Variants in PTPRN2 observed in about 807,000 individuals in gnomAD.
The protein encoded by PTPRN2 is receptor-type tyrosine-protein phosphatase N2.
PTPRN2 carries 74 observed loss-of-function variants against 118.8 expected under a neutral mutation model. The ratio of observed to expected loss-of-function variants is 0.62; its 90% CI spans 0.52 to 0.76. PTPRN2 has a LOEUF of 0.76. Ranked by LOEUF, PTPRN2 falls within the 30% of genes least tolerant of loss-of-function variation. PTPRN2 has a pLI of 0.00. For missense variants in PTPRN2, 1,481 were observed against 1,394.4 expected (o/e 1.06, Z -0.99); for synonymous variants, 641 against 608.0 (o/e 1.05, Z -0.80).
intron 3 of PTPRN2, among the ~76,000 whole-genome samples, chr7:158,236,239 G>A (rs560023749): frequency 6.6e-6 from 1 of 152,316 alleles, no homozygotes; most frequent in South Asian, 2.1e-4. Flanking sequence ...TGAAGATGCT[G>A]CTGACATTGC....
At chr7:158,237,773 C>T (rs894564384) in intron 3 of PTPRN2, among the ~76,000 whole-genome samples, 1 of 152,086 alleles carries the variant, frequency 6.6e-6, no homozygotes, top group Non-Finnish European at 1.5e-5. Flanking sequence ...GCCACTTCGC[C>T]GCCACCCATG....
Position 157,627,940 on chromosome 7 carries a change from T to C in PTPRN2, c.2197-6431A>G, listed in dbSNP as rs1049079937. ...CCATCAGCGCTCACATAATCTACTT[T>C]GTTAGAGATATGAACTCAATCTAAG... On this transcript the variant is annotated intron_variant, in intron 14 of 22. Transcript: ENST00000389418. This position sits in a 1 kb window ranked among gnomAD's most constrained non-coding sequence, Gnocchi z 4.2. Among the ~76,000 whole-genome samples, 15 of 152,242 alleles carry C rather than the reference T, an allele frequency of 9.9e-5. No individual in the cohort carries two copies. Among genetic ancestry groups the C allele is most frequent in the Admixed American group, 6.5e-5 (1 of 15,292 alleles).
At position 157,984,374 on chromosome 7, in the gene PTPRN2, ACCCCCCACGCCAGGCTCCAC is replaced by A. The variant is rs1803580687; in HGVS notation, c.1724-85657_1724-85638del. Among the ~76,000 whole-genome samples, 3 of 12,468 alleles carry A rather than the reference ACCCCCCACGCCAGGCTCCAC, an allele frequency of 2.4e-4. 1 individual carries two copies. Among genetic ancestry groups the A allele is most frequent in the Non-Finnish European group, 3.9e-4 (3 of 7,702 alleles). 8.2% of individuals were successfully genotyped at this position (12,468 alleles called of 152,430 possible). A position where few individuals can be genotyped will look rare whatever the true frequency, so the allele number is the denominator to read the frequency against. On this transcript the variant is annotated intron_variant, in intron 11 of 22. Transcript: ENST00000389418. Reference sequence around the variant, plus strand: ...TCCACCCAATCCCACGCCAGGCTCCACCCCCCACGCCAGGCTCCACCCCCCCACGCCAGGCTCCACCCCAT... The same window carrying A: ...TCCACCCAATCCCACGCCAGGCTCCACCCCCCACGCCAGGCTCCACCCCAT...
At chr7:158,014,706 C>T (rs73169757) in intron 11 of PTPRN2, among the ~76,000 whole-genome samples, 21,478 of 151,870 alleles carry the variant, frequency 0.14, 1,562 homozygotes, top group Admixed American at 0.17. Context: ...TCCCTCCATT[C>T]ATCCATCCAT....
intron 13 of PTPRN2, among the ~76,000 whole-genome samples, chr7:157,662,659 C>T (rs1795949039): frequency 6.6e-6 from 1 of 152,188 alleles, no homozygotes; most frequent in African/African-American, 2.4e-5. Flanking sequence ...CCTGGAGGTG[C>T]GTAAGAGCTT....
intron 14 of PTPRN2, among the ~76,000 whole-genome samples, chr7:157,628,423 C>G (rs80064408): frequency 0.014 from 2,120 of 152,268 alleles, 46 homozygotes; most frequent in African/African-American, 0.049. Context: ...CCCTGTCACT[C>G]GCAGAGATGA....
chr7:158,582,363 G>A (rs576556336), intron 1 of PTPRN2, among the ~76,000 whole-genome samples: 29 of 152,130 alleles, frequency 1.9e-4, no homozygotes, highest in Admixed American at 8.5e-4. Flanking sequence ...CTTGGGATTC[G>A]GCTGGATGAA....
intron 12 of PTPRN2, among the ~76,000 whole-genome samples, chr7:157,833,640 T>C (rs764172857): frequency 1.3e-5 from 2 of 152,206 alleles, no homozygotes; most frequent in Non-Finnish European, 2.9e-5. Context: ...TCCTGTATGA[T>C]GGTAAACTTG....
chr7:157,663,030 G>T (rs1296682742), intron 13 of PTPRN2, among the ~76,000 whole-genome samples: 1 of 152,076 alleles, frequency 6.6e-6, no homozygotes, highest in Non-Finnish European at 1.5e-5. Flanking sequence ...ACCAACTGAA[G>T]AGTGTCCTGC....
chr7:157,931,000 A>C (rs1799325213), intron 11 of PTPRN2, among the ~76,000 whole-genome samples: 2 of 152,062 alleles, frequency 1.3e-5, no homozygotes, highest in South Asian at 2.1e-4. Flanking sequence ...CCTCCAGTGC[A>C]CAGGCCTCCT....
chr7:158,017,559 A>G (rs1232906489), intron 11 of PTPRN2, among the ~76,000 whole-genome samples: 1 of 152,024 alleles, frequency 6.6e-6, no homozygotes, highest in African/African-American at 2.4e-5. Context: ...GCCCCATGAG[A>G]ATTTATGTCT....
chr7:157,699,339 A>T (rs1371701524), intron 12 of PTPRN2, among the ~76,000 whole-genome samples: 1 of 152,260 alleles, frequency 6.6e-6, no homozygotes, highest in African/African-American at 2.4e-5. Context: ...ATCACCATCA[A>T]GTGACATTTT....
At chr7:158,341,560 C>G (rs10273069) in intron 2 of PTPRN2, among the ~76,000 whole-genome samples, 23 of 121,740 alleles carry the variant, frequency 1.9e-4, no homozygotes, top group South Asian at 3.6e-4. Flanking sequence ...AGACGTCACT[C>G]ACACCCACAC....
intron 3 of PTPRN2, among the ~76,000 whole-genome samples, chr7:158,298,839 A>T (rs956782375): frequency 2.6e-5 from 4 of 152,148 alleles, no homozygotes; most frequent in African/African-American, 9.7e-5. Flanking sequence ...AAAAAAGTAA[A>T]AACAGCACAG....
intron 10 of PTPRN2, among the ~76,000 whole-genome samples, chr7:158,100,387 T>C (rs1017053249): frequency 6.6e-6 from 1 of 152,168 alleles, no homozygotes; most frequent in Non-Finnish European, 1.5e-5. Context: ...ATCTTTCTCG[T>C]ATAATGACTT....
intron 17 of PTPRN2, among the ~76,000 whole-genome samples, chr7:157,579,937 A>G (rs1279989937): frequency 2.6e-5 from 4 of 152,218 alleles, no homozygotes; most frequent in African/African-American, 9.7e-5. Context: ...GAGGAAAACT[A>G]TGGCATTTCT....
chr7:158,572,154 C>G (rs1274235268), intron 1 of PTPRN2, among the ~76,000 whole-genome samples: 1 of 152,194 alleles, frequency 6.6e-6, no homozygotes, highest in Non-Finnish European at 1.5e-5. Flanking sequence ...AGTCCAATGA[C>G]TAGCACATAG....
intron 1 of PTPRN2, among the ~76,000 whole-genome samples, chr7:158,498,094 C>G (rs577468433): frequency 6.6e-6 from 1 of 152,378 alleles, no homozygotes; most frequent in East Asian, 1.9e-4. Flanking sequence ...GGCCAAGGTC[C>G]TCCTCACGTC....
intron 11 of PTPRN2, among the ~76,000 whole-genome samples, chr7:157,904,140 C>T (rs1435169362): frequency 6.6e-6 from 1 of 152,172 alleles, no homozygotes; most frequent in African/African-American, 2.4e-5. Context: ...GCTGAAGCAT[C>T]GCTCAACGAC....
Sources: allele counts gnomAD v4.1 joint callset (sites outside exome capture counted in the v4.1 genomes callset), GRCh38; gene constraint gnomAD v4.1.1; non-coding constraint Gnocchi (gnomAD v3.1); transcripts MANE v1.5; gene names NCBI Gene and HGNC (gene_info 2026-07-23, HGNC 2026-07-21).